SH3GL2: variants seen among roughly 807,000 people sequenced by gnomAD.
SH3GL2 encodes SH3 domain containing GRB2 like 2, endophilin A1, also known as endophilin-A1.
A neutral mutation model predicts 46.0 loss-of-function variants in SH3GL2; 24 were observed. The observed-to-expected ratio is 0.52, with a 90% CI of 0.38 to 0.73. SH3GL2 has a LOEUF of 0.73. SH3GL2 is among the 30% of genes least tolerant of loss of function. The pLI is 0.00. For missense variants in SH3GL2, 413 were observed against 424.2 expected, an observed-to-expected ratio of 0.97 and a Z score of 0.23; for synonymous variants, 196 against 147.1, an observed-to-expected ratio of 1.33 and a Z score of -2.40.
At chr9:17,674,656 A>G (rs1820563925) in intron 1 of SH3GL2, among the ~76,000 whole-genome samples, 1 of 152,046 alleles carries the variant, frequency 6.6e-6, no homozygotes, top group Non-Finnish European at 1.5e-5. Context: ...TTGTCTTTTT[A>G]GGGGTCACTC....
intron 1 of SH3GL2, among the ~76,000 whole-genome samples, chr9:17,720,375 C>T (rs1051063000): frequency 1.1e-4 from 16 of 152,190 alleles, no homozygotes; most frequent in African/African-American, 2.9e-4. Flanking sequence ...AGGCAGCCCC[C>T]GAACCAAAAT....
chr9:17,656,471 G>C (rs899767987), intron 1 of SH3GL2, among the ~76,000 whole-genome samples: 1 of 151,902 alleles, frequency 6.6e-6, no homozygotes. Context: ...TGCAAGTAAC[G>C]TAGATAATCT....
intron 1 of SH3GL2, among the ~76,000 whole-genome samples, chr9:17,698,302 A>G (rs1361596156): frequency 6.6e-6 from 1 of 152,184 alleles, no homozygotes. Context: ...AAATGGTCCA[A>G]GCCATATTGT....
chr9:17,729,115 C>T lies in SH3GL2; in HGVS notation c.46-17951C>T, dbSNP rs11781076. Among the ~76,000 whole-genome samples, 171 of 152,272 alleles carry T rather than the reference C, an allele frequency of 1.1e-3. 1 individual carries two copies. Among genetic ancestry groups the T allele is most frequent in the African/African-American group, 3.9e-3 (161 of 41,564 alleles). The stretch of plus-strand genomic sequence containing the variant: ...TAAAAGTGTTCTTGTTTCTCCATAT[C>T]CTCTCCAGCATCTGTTGTTTCCTGA... On this transcript the variant is annotated intron_variant, in intron 1 of 8. Transcript: ENST00000380607.
intron 1 of SH3GL2, among the ~76,000 whole-genome samples, chr9:17,706,744 G>T (rs976757929): frequency 6.6e-6 from 1 of 151,610 alleles, no homozygotes; most frequent in Non-Finnish European, 1.5e-5. Flanking sequence ...TTAGAGTTTT[G>T]GATCTTCCTT....
chr9:17,730,230 A>G (rs1256759410), intron 1 of SH3GL2, among the ~76,000 whole-genome samples: 1 of 152,044 alleles, frequency 6.6e-6, no homozygotes, highest in East Asian at 1.9e-4. Flanking sequence ...GCAATTGTGA[A>G]TGGGAGTTTA....
intron 5 of SH3GL2, among the ~76,000 whole-genome samples, chr9:17,788,677 G>C (rs987390518): frequency 7.2e-5 from 11 of 152,140 alleles, no homozygotes; most frequent in Non-Finnish European, 1.5e-4. Context: ...TTGAAGCTCA[G>C]CATGGAGCAT....
intron 1 of SH3GL2, among the ~76,000 whole-genome samples, chr9:17,655,512 A>C (rs537282190): frequency 6.6e-6 from 1 of 152,300 alleles, no homozygotes; most frequent in Non-Finnish European, 1.5e-5. Context: ...CACCTATATA[A>C]GTTGAGTCTG....
chr9:17,714,362 G>T (rs1426849616), intron 1 of SH3GL2, among the ~76,000 whole-genome samples: 1 of 151,616 alleles, frequency 6.6e-6, no homozygotes. Context: ...ATTTTAATAT[G>T]ATTATTCATA....
At chr9:17,651,992 A>G (rs926244689) in intron 1 of SH3GL2, among the ~76,000 whole-genome samples, 1 of 152,128 alleles carries the variant, frequency 6.6e-6, no homozygotes, top group Non-Finnish European at 1.5e-5. Context: ...TAGCCTTTTC[A>G]AAATACCACT....
chr9:17,643,903 A>T (rs1336172167), intron 1 of SH3GL2, among the ~76,000 whole-genome samples: 1 of 152,158 alleles, frequency 6.6e-6, no homozygotes, highest in Non-Finnish European at 1.5e-5. Context: ...TTTCAGAAGG[A>T]ATGGCACCAG....
At chr9:17,657,726 T>C (rs2117860223) in intron 1 of SH3GL2, among the ~76,000 whole-genome samples, 1 of 117,870 alleles carries the variant, frequency 8.5e-6, no homozygotes, top group South Asian at 3.5e-4. Context: ...GGATTTATTA[T>C]CTGTAACGGG....
chr9:17,738,650 AG>A (rs1822431290), intron 1 of SH3GL2, among the ~76,000 whole-genome samples: 3 of 129,620 alleles, frequency 2.3e-5, no homozygotes, highest in African/African-American at 8.0e-5. Context: ...ATAGAGAGAG[AG>A]AGAGAGAGAG....
chr9:17,776,853 G>C lies in SH3GL2; in HGVS notation c.188-9528G>C, dbSNP rs528424894. 2.0e-5 allele frequency among the ~76,000 whole-genome samples: 3 copies of C among 152,160 alleles called. No homozygotes were observed. In the South Asian group the frequency reaches 6.2e-4, roughly 32 times the overall value. The stretch of plus-strand genomic sequence containing the variant: ...ATGAGCCAGTTTCTGTGTCTCACAT[G>C]GCCATTTTCAAGCTACCAGTGTGAC... On this transcript the variant is annotated intron_variant, in intron 3 of 8. Coordinates refer to ENST00000380607, the MANE Select transcript of SH3GL2 (RefSeq NM_003026.5).
At chr9:17,731,316 G>T (rs1822172507) in intron 1 of SH3GL2, among the ~76,000 whole-genome samples, 1 of 151,902 alleles carries the variant, frequency 6.6e-6, no homozygotes, top group African/African-American at 2.4e-5. Flanking sequence ...CCCTTGGGAG[G>T]TGTTTAAAGT....
intron 1 of SH3GL2, among the ~76,000 whole-genome samples, chr9:17,668,332 A>G (rs769436289): frequency 3.9e-5 from 6 of 152,188 alleles, no homozygotes; most frequent in Non-Finnish European, 7.3e-5. Flanking sequence ...ATTCTTTTGC[A>G]TGTGGATATC....
rs569769958 is a variant in SH3GL2, at chr9:17,676,374, G to T, written c.46-70692G>T. ...TAATCCCAGCACTTTGGGAGGCCAAGGTGGGTAGATCATATGAGGTTAGGA... is the reference window on the plus strand; with the variant it reads ...TAATCCCAGCACTTTGGGAGGCCAATGTGGGTAGATCATATGAGGTTAGGA... On this transcript the variant is annotated intron_variant, in intron 1 of 8. Coordinates refer to ENST00000380607, the MANE Select transcript of SH3GL2 (RefSeq NM_003026.5). Among the ~76,000 whole-genome samples, 11 of 152,320 alleles carry T rather than the reference G, an allele frequency of 7.2e-5. 1 individual carries two copies. The East Asian group carries it at 1.7e-3, about 24-fold the overall frequency.
intron 1 of SH3GL2, among the ~76,000 whole-genome samples, chr9:17,612,496 A>C (rs1411725699): frequency 6.6e-6 from 1 of 152,164 alleles, no homozygotes; most frequent in African/African-American, 2.4e-5. Flanking sequence ...AAGTTTGCAA[A>C]ATGCAGCTCT....
chr9:17,666,545 C>CGTGTGTGT lies in SH3GL2; in HGVS notation c.46-80494_46-80487dup, dbSNP rs71331502. 9.6e-3 allele frequency among the ~76,000 whole-genome samples: 1,364 copies of CGTGTGTGT among 142,112 alleles called. 7 individuals carry two copies. The highest frequency in any genetic ancestry group is 0.014 in the Middle Eastern group (4 of 282). 93.2% of individuals were successfully genotyped at this position (142,112 alleles called of 152,430 possible). ...CCCACTCTTTCATACACAAAGGTAA[C>CGTGTGTGT]GTGTGTGTGTGTGTGTGTGTGTGTG... is the stretch of plus-strand genomic sequence containing the variant. On this transcript the variant is annotated intron_variant, in intron 1 of 8. Coordinates refer to ENST00000380607, the MANE Select transcript of SH3GL2 (RefSeq NM_003026.5).
Sources: allele counts gnomAD v4.1 joint callset (sites outside exome capture counted in the v4.1 genomes callset), GRCh38; gene constraint gnomAD v4.1.1; transcripts MANE v1.5; gene names NCBI Gene and HGNC (gene_info 2026-07-23, HGNC 2026-07-21).